The following CCDC110 variants were observed in gnomAD, a reference collection of about 807,000 sequenced individuals.
CCDC110 encodes the protein coiled-coil domain-containing protein 110.
Under a neutral mutation model 77.1 loss-of-function variants are expected in CCDC110, and 70 were observed. The ratio of observed to expected loss-of-function variants is 0.91; its 90% CI spans 0.75 to 1.11. The LOEUF (loss-of-function observed/expected upper bound fraction) is 1.11. Ranked by LOEUF, CCDC110 falls within the 50% of genes least tolerant of loss-of-function variation. CCDC110 has a pLI of 0.00. For missense variants in CCDC110, 868 were observed against 942.9 expected (o/e 0.92, Z 1.04); for synonymous variants, 295 against 312.5 (o/e 0.94, Z 0.59).
chr4:185,458,919 A>G lies in CCDC110; in HGVS notation c.1668T>C (p.Asp556=). 1 of 1,608,952 alleles carries G rather than the reference A, an allele frequency of 6.2e-7. No homozygotes were observed. Among genetic ancestry groups the G allele is most frequent in the East Asian group, 2.2e-5 (1 of 44,664 alleles). ...LKSKEHKTQS[D]MAIVNNENNR... ...TATTTTCATTATTTACAATGGCCAT[A>G]TCACTTTGAGTTTTGTGTTCCTTAC... Residue 556 remains aspartate (D), a synonymous_variant, in exon 6 of 7, where the codon GAT becomes GAC. Coordinates refer to ENST00000307588, the MANE Select transcript of CCDC110 (RefSeq NM_152775.4).
chr4:185,451,428 C>T (rs570722926), intron 6 of CCDC110, among the ~76,000 whole-genome samples: 4 of 152,276 alleles, frequency 2.6e-5, no homozygotes, highest in Admixed American at 6.5e-5. Flanking sequence ...AGACATATAG[C>T]TGGCTTTTGA....
At chr4:185,467,457 C>G (rs1266241775) in intron 2 of CCDC110, among the ~76,000 whole-genome samples, 1 of 152,154 alleles carries the variant, frequency 6.6e-6, no homozygotes, top group Non-Finnish European at 1.5e-5. Context: ...AACACAATCA[C>G]ACTTCACCAT....
intron 5 of CCDC110, among the ~76,000 whole-genome samples, chr4:185,460,732 T>A (rs2095644522): frequency 6.6e-6 from 1 of 152,096 alleles, no homozygotes; most frequent in African/African-American, 2.4e-5. Flanking sequence ...TCTAGGGAAT[T>A]TACCCCAGAC....
At position 185,468,904 on chromosome 4, in the gene CCDC110, G is replaced by C. The variant is rs1477553150; in HGVS notation, c.115+2041C>G. Among the ~76,000 whole-genome samples the C allele has an allele frequency of 6.6e-6, 1 of 152,222 alleles. No homozygotes were observed. Among genetic ancestry groups the C allele is most frequent in the East Asian group, 1.9e-4 (1 of 5,196 alleles). On this transcript the variant is annotated intron_variant, in intron 2 of 6. Coordinates refer to ENST00000307588, the MANE Select transcript of CCDC110 (RefSeq NM_152775.4). The surrounding 1 kb of genome is among the most constrained non-coding windows in gnomAD (Gnocchi z 4.5). ...GGGAATCTTGCAAGTCTTGTTCACTGTTGGATCCCCAGCACCTAGAACAGC... is the reference window on the plus strand; with the variant it reads ...GGGAATCTTGCAAGTCTTGTTCACTCTTGGATCCCCAGCACCTAGAACAGC...
rs774002592 is a variant in CCDC110, at chr4:185,463,055, A to C, written c.116-6T>G. On this transcript the variant is annotated splice_region_variant and splice_polypyrimidine_tract_variant and intron_variant, in intron 2 of 6. Coordinates refer to ENST00000307588, the MANE Select transcript of CCDC110 (RefSeq NM_152775.4). ...TTCTGCTATGCAGCCATATTCTAAG[A>C]AGCAAAATTGAAAAACCATGTGACT... 2.2e-5 allele frequency: 36 copies of C among 1,610,284 alleles called. No homozygotes were observed. The highest frequency in any genetic ancestry group is 2.2e-5 in the Non-Finnish European group (26 of 1,177,658).
In CCDC110 at chr4:185,445,184, T is replaced by C. The variant is rs1427392763; in HGVS notation, c.*318A>G. 6 of 1,386,790 alleles carry C rather than the reference T, an allele frequency of 4.3e-6. No individual in the cohort carries two copies. The highest frequency in any genetic ancestry group is 3.6e-4 in the Middle Eastern group (2 of 5,516). 85.9% of individuals were successfully genotyped at this position (1,386,790 alleles called of 1,614,324 possible). A position where few individuals can be genotyped will look rare whatever the true frequency, so the allele number is the denominator to read the frequency against. ...ACTAAGAAAAAATTGTTTCCAACTT[T>C]TATACTTCTTCAAAATAGTATCTTT... On this transcript the variant is annotated 3_prime_UTR_variant, in exon 7 of 7. Transcript: ENST00000307588.
chr4:185,449,858 A>G lies in CCDC110; in HGVS notation c.2462-4316T>C, dbSNP rs1363968110. ...GTTGTTGATTTATGTTTTTAGATCT[A>G]TGCTTCTGAGCAGAATATGTTTACA... On this transcript the variant is annotated intron_variant, in intron 6 of 6. Coordinates refer to ENST00000307588, the MANE Select transcript of CCDC110 (RefSeq NM_152775.4). 1.2e-5 allele frequency: 5 copies of G among 412,326 alleles called. No individual in the cohort carries two copies. The Admixed American group carries it at 1.3e-4, about 11-fold the overall frequency. 25.5% of individuals were successfully genotyped at this position (412,326 alleles called of 1,614,324 possible).
chr4:185,457,926 A>T, intron 6 of CCDC110, 200 bp downstream of exon 6: 1 of 627,054 alleles, frequency 1.6e-6, no homozygotes, highest in Non-Finnish European at 2.5e-6. Context: ...CATACAATGC[A>T]CATAATATAA....
chr4:185,450,965 G>C (rs1430045923), intron 6 of CCDC110, among the ~76,000 whole-genome samples: 4 of 152,254 alleles, frequency 2.6e-5, no homozygotes, highest in South Asian at 2.1e-4. Context: ...ATCTCATCTT[G>C]AGTTGTAGCT....
chr4:185,445,394 G>T lies in CCDC110; in HGVS notation c.*108C>A. The stretch of plus-strand genomic sequence containing the variant: ...ATAATTTTTAAAGCAAATATATAGC[G>T]CCTCATTATGAGTCATTTGAGATGA... On this transcript the variant is annotated 3_prime_UTR_variant, in exon 7 of 7. Coordinates refer to ENST00000307588, the MANE Select transcript of CCDC110 (RefSeq NM_152775.4). 1 of 841,084 alleles carries T rather than the reference G, an allele frequency of 1.2e-6. No homozygotes were observed. Among genetic ancestry groups the T allele is most frequent in the Non-Finnish European group, 1.9e-6 (1 of 520,932 alleles). The allele number at this position is 841,084 out of a possible 1,614,324, so 52.1% of individuals were successfully genotyped here.
At chr4:185,455,513 T>C (rs777622402) in intron 6 of CCDC110, among the ~76,000 whole-genome samples, 9 of 152,198 alleles carry the variant, frequency 5.9e-5, no homozygotes, top group Non-Finnish European at 1.3e-4. Context: ...CCCCTAGGGA[T>C]AATGAAGGTT....
chr4:185,454,527 A>G (rs956913579), intron 6 of CCDC110, among the ~76,000 whole-genome samples: 5 of 151,944 alleles, frequency 3.3e-5, no homozygotes, highest in Non-Finnish European at 7.4e-5. Context: ...CAGCCTGGCC[A>G]ACATAGTGAA....
At chr4:185,457,920 C>A in intron 6 of CCDC110, 2 of 652,498 alleles carry the variant, frequency 3.1e-6, no homozygotes, top group Non-Finnish European at 4.7e-6. Flanking sequence ...TGTACACATA[C>A]AATGCACATA....
intron 6 of CCDC110, among the ~76,000 whole-genome samples, chr4:185,454,846 T>C (rs2095633968): frequency 6.6e-6 from 1 of 152,000 alleles, no homozygotes; most frequent in Non-Finnish European, 1.5e-5. Flanking sequence ...CACTGCAGCC[T>C]CAAACTCCTG....
chr4:185,447,393 G>A lies in CCDC110; in HGVS notation c.2462-1851C>T, dbSNP rs186519663. ...GACGGGGTTTCACTGTGTTAGCCAGGATGGACTTGATCTCCTGACCTCGTG... is the reference window on the plus strand; with the variant it reads ...GACGGGGTTTCACTGTGTTAGCCAGAATGGACTTGATCTCCTGACCTCGTG... On this transcript the variant is annotated intron_variant, in intron 6 of 6. Transcript: ENST00000307588. Among the ~76,000 whole-genome samples, 400 of 152,048 alleles carry A rather than the reference G, an allele frequency of 2.6e-3. 2 individuals are homozygous for A. Among genetic ancestry groups the A allele is most frequent in the African/African-American group, 9.2e-3 (381 of 41,470 alleles).
Position 185,459,163 on chromosome 4 carries a change from G to T in CCDC110, c.1424C>A (p.Thr475Lys). The T allele has an allele frequency of 6.3e-7, 1 of 1,599,606 alleles. No individual in the cohort carries two copies. The highest frequency in any genetic ancestry group is 2.2e-5 in the East Asian group (1 of 44,692). Residue 475 changes from threonine (T) to lysine (K), a missense_variant, in exon 6 of 7, where the codon ACA becomes AAA. Physicochemically the swap from Thr to Lys is moderately conservative, Grantham distance 78. Coordinates refer to ENST00000307588, the MANE Select transcript of CCDC110 (RefSeq NM_152775.4). ...CAGATTCTTAAGTTGCTTTTCATATGTTTCAACTTTCTGTATGAGAGATTG... is the reference window on the plus strand; with the variant it reads ...CAGATTCTTAAGTTGCTTTTCATATTTTTCAACTTTCTGTATGAGAGATTG... ...TTQSLIQKVE[T>K]YEKQLKNLVE...
At chr4:185,450,149 T>C (rs764175761) in intron 6 of CCDC110, among the ~76,000 whole-genome samples, 11 of 152,228 alleles carry the variant, frequency 7.2e-5, no homozygotes, top group Non-Finnish European at 1.3e-4. Flanking sequence ...CATGATATAG[T>C]GAGGCAAATG....
rs886334355 is a variant in CCDC110, at chr4:185,471,592, CGG to C, written c.10+80_10+81del. 23 of 1,458,772 alleles carry C rather than the reference CGG, an allele frequency of 1.6e-5. No individual in the cohort carries two copies. In the Admixed American group the frequency reaches 4.0e-4, roughly 25 times the overall value. The allele number at this position is 1,458,772 out of a possible 1,614,324, so 90.4% of individuals were successfully genotyped here. ...ACCCGGGATGTCCCGGGTTTTCGAG[CGG>C]GGAGCCGCCTGCTGAATGCCCTTCT... On this transcript the variant is annotated intron_variant, in intron 1 of 6. Coordinates refer to ENST00000307588, the MANE Select transcript of CCDC110 (RefSeq NM_152775.4).
intron 6 of CCDC110, among the ~76,000 whole-genome samples, chr4:185,450,904 G>T (rs2153317977): frequency 6.6e-6 from 1 of 152,162 alleles, no homozygotes; most frequent in South Asian, 2.1e-4. Flanking sequence ...TAATACATTG[G>T]AAGTTATTTT....
Sources: allele counts gnomAD v4.1 joint callset (sites outside exome capture counted in the v4.1 genomes callset), GRCh38; gene constraint gnomAD v4.1.1; non-coding constraint Gnocchi (gnomAD v3.1); transcripts MANE v1.5; gene names NCBI Gene and HGNC (gene_info 2026-07-23, HGNC 2026-07-21).